LHFPL3: variants seen among roughly 807,000 people sequenced by gnomAD.
LHFPL3 encodes the protein LHFPL tetraspan subfamily member 3 protein.
In LHFPL3, 5 loss-of-function variants were observed where a neutral mutation model predicts 19.3. That is an observed-to-expected ratio of 0.26 (90% CI 0.14 to 0.54). LHFPL3 has a LOEUF of 0.54. Ranked by LOEUF, LHFPL3 falls within the 20% of genes least tolerant of loss-of-function variation. The pLI is 0.94. For missense variants in LHFPL3, 249 were observed against 307.4 expected (o/e 0.81, Z 1.42); for synonymous variants, 133 against 126.2 (o/e 1.05, Z -0.36).
intron 1 of LHFPL3, among the ~76,000 whole-genome samples, chr7:104,389,486 G>A (rs984983678): frequency 6.6e-6 from 1 of 152,136 alleles, no homozygotes; most frequent in East Asian, 1.9e-4. Context: ...CAAACCTCCA[G>A]TGGTTCCTTT....
intron 1 of LHFPL3, among the ~76,000 whole-genome samples, chr7:104,383,172 C>T (rs766184813): frequency 4.6e-5 from 7 of 152,198 alleles, no homozygotes; most frequent in Non-Finnish European, 7.3e-5. Flanking sequence ...ATTCCTGTGC[C>T]TTTAGCTTCC....
intron 1 of LHFPL3, among the ~76,000 whole-genome samples, chr7:104,578,155 TAAGA>T (rs1473784988): frequency 6.6e-6 from 1 of 152,228 alleles, no homozygotes; most frequent in Non-Finnish European, 1.5e-5. Context: ...TTAGCTTTTC[TAAGA>T]AAGAGGTTTT....
At chr7:104,571,168 A>G (rs924656182) in intron 1 of LHFPL3, among the ~76,000 whole-genome samples, 3 of 152,176 alleles carry the variant, frequency 2.0e-5, no homozygotes, top group Non-Finnish European at 4.4e-5. Context: ...TTTACCCTAA[A>G]TGGATTATAA....
At chr7:104,680,952 TCCATC>T (rs1792683447) in intron 1 of LHFPL3, among the ~76,000 whole-genome samples, 2 of 152,190 alleles carry the variant, frequency 1.3e-5, no homozygotes, top group South Asian at 4.1e-4. Flanking sequence ...AACTACAGTA[TCCATC>T]AAACCTAAAA....
intron 1 of LHFPL3, among the ~76,000 whole-genome samples, chr7:104,508,965 A>G (rs969133606): frequency 5.9e-5 from 9 of 152,146 alleles, no homozygotes; most frequent in African/African-American, 1.4e-4. Context: ...AGAGTATACA[A>G]TGAACAACTC....
chr7:104,420,144 C>T (rs375213917), intron 1 of LHFPL3, among the ~76,000 whole-genome samples: 2 of 152,330 alleles, frequency 1.3e-5, no homozygotes, highest in South Asian at 2.1e-4. Flanking sequence ...ACAACCAAAG[C>T]AGGGTGGAAG....
chr7:104,857,214 G>A (rs755584343), intron 2 of LHFPL3, among the ~76,000 whole-genome samples: 4 of 151,712 alleles, frequency 2.6e-5, no homozygotes, highest in East Asian at 1.9e-4. Context: ...CCTCTGGAAC[G>A]AAGGCTTTTT....
rs563757514 is a variant in LHFPL3, at chr7:104,401,077, C to T, written c.445+71853C>T. Among the ~76,000 whole-genome samples the T allele has an allele frequency of 3.9e-5, 6 of 152,260 alleles. No individual in the cohort carries two copies. In the East Asian group the frequency reaches 1.2e-3, roughly 29 times the overall value. ...GACCAGTCTGGGGATAGGCCCTGGC[C>T]CTGGGGGTGGCTCTTGGGTCACCTT... On this transcript the variant is annotated intron_variant, in intron 1 of 2. Coordinates refer to ENST00000424859, the MANE Select transcript of LHFPL3 (RefSeq NM_199000.3).
At chr7:104,571,320 A>T (rs1790226057) in intron 1 of LHFPL3, among the ~76,000 whole-genome samples, 1 of 152,176 alleles carries the variant, frequency 6.6e-6, no homozygotes, top group African/African-American at 2.4e-5. Context: ...CATTAAACCA[A>T]ACTCTTTCCT....
intron 2 of LHFPL3, among the ~76,000 whole-genome samples, chr7:104,809,814 G>A (rs1490947026): frequency 1.3e-5 from 2 of 152,164 alleles, no homozygotes; most frequent in Non-Finnish European, 2.9e-5. Flanking sequence ...TTAATGAATC[G>A]TTTTTGAGCA....
intron 1 of LHFPL3, among the ~76,000 whole-genome samples, chr7:104,487,583 G>A (rs1793261945): frequency 6.6e-6 from 1 of 152,222 alleles, no homozygotes; most frequent in African/African-American, 2.4e-5. Context: ...CAGACACGAG[G>A]AGAATGTGCA....
chr7:104,404,768 C>T (rs996838438), intron 1 of LHFPL3, among the ~76,000 whole-genome samples: 3 of 152,162 alleles, frequency 2.0e-5, no homozygotes, highest in African/African-American at 7.2e-5. Context: ...TGCTAATAAC[C>T]AGACACCTAT....
At chr7:104,488,339 T>G (rs1331855910) in intron 1 of LHFPL3, among the ~76,000 whole-genome samples, 1 of 152,184 alleles carries the variant, frequency 6.6e-6, no homozygotes, top group Non-Finnish European at 1.5e-5. Context: ...CAGAAACATG[T>G]ACATATCAAA....
chr7:104,558,498 T>C (rs1158525777), intron 1 of LHFPL3, among the ~76,000 whole-genome samples: 1 of 152,198 alleles, frequency 6.6e-6, no homozygotes, highest in Non-Finnish European at 1.5e-5. Flanking sequence ...TGTCTGTTCA[T>C]GTCATTCGCC....
intron 2 of LHFPL3, among the ~76,000 whole-genome samples, chr7:104,903,885 A>G (rs1362496506): frequency 6.6e-6 from 1 of 152,212 alleles, no homozygotes; most frequent in African/African-American, 2.4e-5. Context: ...TAGTGCTGCA[A>G]CGAACATATG....
At chr7:104,886,242 G>A (rs1005824531) in intron 2 of LHFPL3, among the ~76,000 whole-genome samples, 1 of 152,138 alleles carries the variant, frequency 6.6e-6, no homozygotes, top group Non-Finnish European at 1.5e-5. Context: ...TTTGTTGAAC[G>A]AATGACTGAA....
At chr7:104,603,255 A>T (rs978784525) in intron 1 of LHFPL3, among the ~76,000 whole-genome samples, 7 of 151,128 alleles carry the variant, frequency 4.6e-5, no homozygotes, top group Admixed American at 1.3e-4. Flanking sequence ...GAGTACAGTG[A>T]CACAATCACA....
chr7:104,727,819 T>G (rs1793618969), intron 1 of LHFPL3, among the ~76,000 whole-genome samples: 1 of 152,232 alleles, frequency 6.6e-6, no homozygotes, highest in East Asian at 1.9e-4. Context: ...ATTACAGAGT[T>G]TTTGAATACC....
chr7:104,599,572 T>C (rs1047220377), intron 1 of LHFPL3, among the ~76,000 whole-genome samples: 5 of 152,200 alleles, frequency 3.3e-5, no homozygotes, highest in Non-Finnish European at 5.9e-5. Flanking sequence ...AATTAGCATT[T>C]TCTGAGCACC....
Sources: gnomAD v4.1 joint callset for allele counts (sites outside exome capture counted in the v4.1 genomes callset) on GRCh38, gnomAD v4.1.1 for gene constraint, MANE v1.5 for transcripts, NCBI Gene and HGNC (gene_info 2026-07-23, HGNC 2026-07-21) for gene names.